SBF2: variants seen among roughly 807,000 people sequenced by gnomAD.
The protein encoded by SBF2 is myotubularin-related protein 13.
Under a neutral mutation model 225.2 loss-of-function variants are expected in SBF2, and 112 were observed. That is an observed-to-expected ratio of 0.50 (90% CI 0.43 to 0.58). The LOEUF is 0.58. Among genes scored for constraint, SBF2 ranks in the 20% least tolerant of loss-of-function variants. The pLI, the probability that SBF2 is intolerant of heterozygous loss-of-function variation, is 0.00. For missense variants in SBF2, 1,996 were observed against 2,206.2 expected (o/e 0.90, Z 1.91); for synonymous variants, 763 against 773.3 (o/e 0.99, Z 0.22).
chr11:10,144,602 CAT>C (rs1425627034), intron 2 of SBF2, among the ~76,000 whole-genome samples: 1 of 152,164 alleles, frequency 6.6e-6, no homozygotes, highest in East Asian at 1.9e-4. Flanking sequence ...GCAGAATGTA[CAT>C]GTTTGAGAAA....
chr11:10,056,928 G>GT (rs1225623471), intron 2 of SBF2, among the ~76,000 whole-genome samples: 43 of 152,072 alleles, frequency 2.8e-4, no homozygotes, highest in Non-Finnish European at 5.3e-4. Flanking sequence ...TGGCCAGACT[G>GT]TTTTTTTAAG....
chr11:10,289,417 C>T (rs1349736950), intron 1 of SBF2, among the ~76,000 whole-genome samples: 5 of 152,114 alleles, frequency 3.3e-5, no homozygotes, highest in African/African-American at 1.2e-4. Flanking sequence ...CAGCCAGGTC[C>T]GTGGAGTGTG....
At chr11:9,841,321 A>G (rs567302737) in intron 25 of SBF2, among the ~76,000 whole-genome samples, 1 of 152,188 alleles carries the variant, frequency 6.6e-6, no homozygotes, top group South Asian at 2.1e-4. Context: ...CATGAAATAT[A>G]AAAAAAATTG....
Position 10,109,834 on chromosome 11 carries a change from T to C in SBF2, c.142-66853A>G, listed in dbSNP as rs907184196. On this transcript the variant is annotated intron_variant, in intron 2 of 39. Coordinates refer to ENST00000256190, the MANE Select transcript of SBF2 (RefSeq NM_030962.4). ...TGGTCACCTAAAACATCTTGTTAAATGTAAACAGTGTTTTCACATACCTTG... is the reference window on the plus strand; with the variant it reads ...TGGTCACCTAAAACATCTTGTTAAACGTAAACAGTGTTTTCACATACCTTG... 7.2e-5 allele frequency among the ~76,000 whole-genome samples: 11 copies of C among 152,234 alleles called. No homozygotes were observed. In the South Asian group the frequency reaches 1.2e-3, roughly 17 times the overall value.
chr11:10,183,289 A>G (rs1956808335), intron 2 of SBF2, among the ~76,000 whole-genome samples: 1 of 152,140 alleles, frequency 6.6e-6, no homozygotes, highest in Non-Finnish European at 1.5e-5. Context: ...CTCCTTTCCA[A>G]TGGTAAATAG....
chr11:10,192,925 G>C (rs559501496), intron 2 of SBF2, among the ~76,000 whole-genome samples: 138 of 152,242 alleles, frequency 9.1e-4, no homozygotes, highest in African/African-American at 3.2e-3. Flanking sequence ...ATATTACAAA[G>C]TACTTTAGTA....
intron 16 of SBF2, among the ~76,000 whole-genome samples, chr11:9,910,714 A>C (rs1481470622): frequency 2.0e-5 from 3 of 146,954 alleles, no homozygotes; most frequent in Non-Finnish European, 4.5e-5. Flanking sequence ...AAAAAAAAAC[A>C]ACTTTTTTTT....
rs138120231 is a variant in SBF2, at chr11:9,858,359, C to A, written c.1967G>T (p.Cys656Phe). ...APGVSQFAYT[C>F]VQDHPIWTNQ... ...TGTCCAAATGGGGTGGTCTTGTACACACGTGTAAGCAAACTGGCTGACTCC... is the reference window on the plus strand; with the variant it reads ...TGTCCAAATGGGGTGGTCTTGTACAAACGTGTAAGCAAACTGGCTGACTCC... Residue 656 changes from cysteine (C) to phenylalanine (F), a missense_variant, in exon 18 of 40, where the codon TGT (cysteine) becomes TTT (phenylalanine). Coordinates refer to ENST00000256190, the MANE Select transcript of SBF2 (RefSeq NM_030962.4). The A allele has an allele frequency of 6.2e-7, 1 of 1,614,018 alleles. No homozygotes were observed. The highest frequency in any genetic ancestry group is 8.5e-7 in the Non-Finnish European group (1 of 1,180,022).
chr11:10,090,656 T>G (rs1227978371), intron 2 of SBF2, among the ~76,000 whole-genome samples: 1 of 151,210 alleles, frequency 6.6e-6, no homozygotes, highest in Non-Finnish European at 1.5e-5. Context: ...TCCCAGCTAC[T>G]CAGGAGGCTG....
chr11:9,780,725 A>C lies in SBF2; in HGVS notation c.5452-209T>G, dbSNP rs1851949824. On this transcript the variant is annotated intron_variant, in intron 39 of 39. Transcript: ENST00000256190. ...GGGATGTTGATAGAAGGGTACTGGC[A>C]GGAAAGGGAGACACACTGGGAGCGC... is the stretch of plus-strand genomic sequence containing the variant. The C allele has an allele frequency of 5.1e-6, 3 of 586,264 alleles. No individual in the cohort carries two copies. The East Asian group carries it at 9.2e-5, about 18-fold the overall frequency. 36.3% of individuals were successfully genotyped at this position (586,264 alleles called of 1,614,324 possible).
chr11:10,153,835 T>A (rs914958287), intron 2 of SBF2, among the ~76,000 whole-genome samples: 1 of 152,148 alleles, frequency 6.6e-6, no homozygotes, highest in African/African-American at 2.4e-5. Flanking sequence ...TTTATTTGGA[T>A]CATTTTTAAT....
At chr11:9,830,070 C>T (rs1263226528) in intron 27 of SBF2, among the ~76,000 whole-genome samples, 1 of 152,224 alleles carries the variant, frequency 6.6e-6, no homozygotes, top group African/African-American at 2.4e-5. Flanking sequence ...CAACTACTGC[C>T]AATCCCTGGT....
At chr11:9,931,229 C>G (rs1017486355) in intron 16 of SBF2, among the ~76,000 whole-genome samples, 1 of 152,272 alleles carries the variant, frequency 6.6e-6, no homozygotes, top group African/African-American at 2.4e-5. Flanking sequence ...AAGTCCCTGT[C>G]TGACAGCTCT....
chr11:10,099,565 C>T (rs1196964505), intron 2 of SBF2, among the ~76,000 whole-genome samples: 1 of 152,124 alleles, frequency 6.6e-6, no homozygotes, highest in East Asian at 1.9e-4. Flanking sequence ...CAGAATATTA[C>T]ACTATAACGA....
intron 2 of SBF2, among the ~76,000 whole-genome samples, chr11:10,141,882 T>G (rs1297133210): frequency 1.3e-5 from 2 of 152,168 alleles, no homozygotes; most frequent in Non-Finnish European, 2.9e-5. Context: ...AGTTTAAATG[T>G]GTTCAAATCT....
At chr11:10,227,701 A>G (rs1477777418) in intron 1 of SBF2, among the ~76,000 whole-genome samples, 2 of 152,200 alleles carry the variant, frequency 1.3e-5, no homozygotes, top group East Asian at 1.9e-4. Flanking sequence ...TGGTACCAGT[A>G]CCATGCTGTT....
intron 29 of SBF2, among the ~76,000 whole-genome samples, chr11:9,815,684 T>C (rs1380273586): frequency 1.3e-5 from 2 of 152,222 alleles, no homozygotes; most frequent in South Asian, 2.1e-4. Context: ...AGTGTTGTGC[T>C]GAAGCATGGA....
chr11:10,061,502 C>CAA (rs1950444788), intron 2 of SBF2, among the ~76,000 whole-genome samples: 1 of 152,230 alleles, frequency 6.6e-6, no homozygotes, highest in South Asian at 2.1e-4. Context: ...TTGCAGGATA[C>CAA]AAAATCAATA....
intron 1 of SBF2, among the ~76,000 whole-genome samples, chr11:10,245,514 G>A (rs1043897865): frequency 4.6e-5 from 7 of 152,222 alleles, no homozygotes; most frequent in African/African-American, 4.8e-5. Context: ...TGGCAAGGAT[G>A]TGGAGAAAAG....
Sources: gnomAD v4.1 joint callset for allele counts (sites outside exome capture counted in the v4.1 genomes callset) on GRCh38, gnomAD v4.1.1 for gene constraint, MANE v1.5 for transcripts, NCBI Gene and HGNC (gene_info 2026-07-23, HGNC 2026-07-21) for gene names.